Variants in MGMT observed in about 807,000 individuals in gnomAD.
The protein encoded by MGMT is methylated-DNA--protein-cysteine methyltransferase.
A neutral mutation model predicts 15.9 loss-of-function variants in MGMT; 14 were observed. The observed-to-expected ratio is 0.88, with a 90% CI of 0.58 to 1.37. The LOEUF (loss-of-function observed/expected upper bound fraction) is 1.37, where lower values mean the gene tolerates loss of function less well. Ranked by LOEUF, MGMT falls within the 40% of genes most tolerant of loss-of-function variation. The probability of loss-of-function intolerance (pLI) is 0.00; values close to 1 mark genes in which losing one functional copy is unlikely to be tolerated. For missense variants in MGMT, 282 were observed against 268.1 expected, an observed-to-expected ratio of 1.05 and a Z score of -0.36; for synonymous variants, 130 against 118.2, an observed-to-expected ratio of 1.10 and a Z score of -0.65.
intron 2 of MGMT, among the ~76,000 whole-genome samples, chr10:129,687,016 C>T (rs984654649): frequency 5.3e-5 from 8 of 152,162 alleles, no homozygotes; most frequent in Non-Finnish European, 1.2e-4. Context: ...AAGTTCTGAG[C>T]TGCTTTGGGG....
intron 3 of MGMT, among the ~76,000 whole-genome samples, chr10:129,716,334 T>C (rs552030192): frequency 7.2e-5 from 11 of 152,310 alleles, no homozygotes; most frequent in East Asian, 1.9e-4. Context: ...GACTTTTTTT[T>C]CTTGAGTACT....
chr10:129,490,436 T>G (rs2119655370), intron 1 of MGMT, among the ~76,000 whole-genome samples: 1 of 152,278 alleles, frequency 6.6e-6, no homozygotes, highest in East Asian at 1.9e-4. Context: ...GCTTATTAAT[T>G]TATTGCTTTT....
intron 2 of MGMT, among the ~76,000 whole-genome samples, chr10:129,705,624 G>C (rs1311028422): frequency 6.6e-6 from 1 of 152,188 alleles, no homozygotes; most frequent in Non-Finnish European, 1.5e-5. Flanking sequence ...AGAACTAATC[G>C]CTCCAGAGAT....
intron 2 of MGMT, among the ~76,000 whole-genome samples, chr10:129,615,377 G>GT (rs1237392266): frequency 6.6e-6 from 1 of 152,062 alleles, no homozygotes; most frequent in African/African-American, 2.4e-5. Context: ...TTCTCACTGT[G>GT]TTTTCCTCTT....
chr10:129,705,755 G>A (rs1848153143), intron 2 of MGMT, among the ~76,000 whole-genome samples: 3 of 152,198 alleles, frequency 2.0e-5, no homozygotes, highest in Admixed American at 2.0e-4. Flanking sequence ...CGGGGCTGTG[G>A]TCCTCCTGGA....
At chr10:129,488,795 C>T (rs1845438532) in intron 1 of MGMT, among the ~76,000 whole-genome samples, 2 of 152,156 alleles carry the variant, frequency 1.3e-5, no homozygotes, top group Admixed American at 1.3e-4. Flanking sequence ...GTGGCTCCAG[C>T]CCCATGTATA....
chr10:129,744,237 A>C (rs890312802), intron 3 of MGMT, among the ~76,000 whole-genome samples: 31 of 152,176 alleles, frequency 2.0e-4, no homozygotes, highest in African/African-American at 7.2e-4. Context: ...AGAGAACCCC[A>C]CTGCTGAGTC....
At chr10:129,738,347 C>T (rs1042996478) in intron 3 of MGMT, among the ~76,000 whole-genome samples, 2 of 152,232 alleles carry the variant, frequency 1.3e-5, no homozygotes, top group Admixed American at 6.5e-5. Flanking sequence ...ATTTCTTTGA[C>T]TAGGAAAGGG....
intron 2 of MGMT, 105 bp downstream of exon 2, chr10:129,536,482 CT>C: frequency 7.2e-7 from 1 of 1,389,590 alleles, no homozygotes; most frequent in Non-Finnish European, 9.7e-7. Context: ...AACGCATAGC[CT>C]TACCCCCACA....
intron 1 of MGMT, among the ~76,000 whole-genome samples, chr10:129,473,561 C>A (rs1336475557): frequency 6.6e-6 from 1 of 152,160 alleles, no homozygotes; most frequent in Non-Finnish European, 1.5e-5. Flanking sequence ...TATTTGATAA[C>A]CAAGTGCAGG....
chr10:129,756,103 C>T (rs1025988191), intron 3 of MGMT, among the ~76,000 whole-genome samples: 8 of 152,196 alleles, frequency 5.3e-5, no homozygotes, highest in African/African-American at 1.4e-4. Flanking sequence ...AGACCCTTGG[C>T]GGAGGATGCA....
At chr10:129,660,775 A>AGC (rs1554875136) in intron 2 of MGMT, among the ~76,000 whole-genome samples, 1 of 149,056 alleles carries the variant, frequency 6.7e-6, no homozygotes, top group African/African-American at 2.5e-5. Flanking sequence ...CCCCACCCCC[A>AGC]ACACACACAC....
intron 1 of MGMT, among the ~76,000 whole-genome samples, chr10:129,468,354 T>G (rs142704641): frequency 1.3e-5 from 2 of 152,262 alleles, no homozygotes; most frequent in African/African-American, 4.8e-5. Context: ...CCTGGCTGAT[T>G]GTTAATATCA....
At chr10:129,752,858 CTGT>C (rs1008839703) in intron 3 of MGMT, among the ~76,000 whole-genome samples, 5 of 152,084 alleles carry the variant, frequency 3.3e-5, no homozygotes, top group African/African-American at 1.2e-4. Flanking sequence ...GGAAAATAGC[CTGT>C]AATAGTTTTC....
rs1396606677 is a variant in MGMT at position 129,495,842 on chromosome 10, G to C, written c.-13+28546G>C. On this transcript the variant is annotated intron_variant, in intron 1 of 4. Coordinates refer to ENST00000651593, the MANE Select transcript of MGMT (RefSeq NM_002412.5). ...TGTAAGTTCCTGCAGAAATAGGCCT[G>C]TGTCTGGTCAGTAAACAGAGAATGT... Among the ~76,000 whole-genome samples the C allele has an allele frequency of 3.9e-5, 6 of 152,326 alleles. No homozygotes were observed. The East Asian group carries it at 1.2e-3, about 29-fold the overall frequency.
At chr10:129,492,940 A>G (rs1845484232) in intron 1 of MGMT, among the ~76,000 whole-genome samples, 2 of 152,110 alleles carry the variant, frequency 1.3e-5, no homozygotes, top group Admixed American at 1.3e-4. Flanking sequence ...TTCTCCTGTC[A>G]TCTATCTTCC....
intron 1 of MGMT, among the ~76,000 whole-genome samples, chr10:129,492,784 G>A (rs1352833877): frequency 6.6e-6 from 1 of 152,180 alleles, no homozygotes; most frequent in Non-Finnish European, 1.5e-5. Flanking sequence ...GACGAGTTTT[G>A]TAATTTTTCT....
intron 2 of MGMT, among the ~76,000 whole-genome samples, chr10:129,571,679 A>G (rs1357736617): frequency 6.6e-6 from 1 of 152,198 alleles, no homozygotes; most frequent in African/African-American, 2.4e-5. Flanking sequence ...GGGGCCAGCA[A>G]AAGCAATTTA....
intron 2 of MGMT, among the ~76,000 whole-genome samples, chr10:129,637,229 G>T (rs927174915): frequency 6.6e-6 from 1 of 152,176 alleles, no homozygotes; most frequent in African/African-American, 2.4e-5. Context: ...ATAGAAAACT[G>T]CTGTAAATGG....
Sources: allele counts gnomAD v4.1 joint callset (sites outside exome capture counted in the v4.1 genomes callset), GRCh38; gene constraint gnomAD v4.1.1; transcripts MANE v1.5; gene names NCBI Gene and HGNC (gene_info 2026-07-23, HGNC 2026-07-21).